The following PRKG1 variants were observed in gnomAD, a reference collection of about 807,000 sequenced individuals.
The protein encoded by PRKG1 is cGMP-dependent protein kinase 1.
Under a neutral mutation model 88.1 loss-of-function variants are expected in PRKG1, and 35 were observed. The ratio of observed to expected loss-of-function variants is 0.40; its 90% confidence interval spans 0.30 to 0.53. PRKG1 has a LOEUF of 0.53. Ranked by LOEUF, PRKG1 falls within the 20% of genes least tolerant of loss-of-function variation. The pLI, the probability that PRKG1 is intolerant of heterozygous loss-of-function variation, is 0.59. For missense variants in PRKG1, 540 were observed against 839.8 expected, an observed-to-expected ratio of 0.64 and a Z score of 4.41; for synonymous variants, 303 against 292.5, an observed-to-expected ratio of 1.04 and a Z score of -0.37.
At chr10:51,920,480 T>C (rs1378600287) in intron 5 of PRKG1, among the ~76,000 whole-genome samples, 1 of 152,188 alleles carries the variant, frequency 6.6e-6, no homozygotes, top group Non-Finnish European at 1.5e-5. Flanking sequence ...TTAACAATCT[T>C]ACAGTGTTCA....
chr10:52,022,928 T>A (rs932646891), intron 5 of PRKG1, among the ~76,000 whole-genome samples: 20 of 152,208 alleles, frequency 1.3e-4, no homozygotes, highest in African/African-American at 3.1e-4. Flanking sequence ...GGTGTTTTTT[T>A]AATTATACTT....
intron 2 of PRKG1, among the ~76,000 whole-genome samples, chr10:51,363,639 G>A (rs1842531146): frequency 6.6e-6 from 1 of 151,830 alleles, no homozygotes; most frequent in Non-Finnish European, 1.5e-5. Context: ...ATCATCATTA[G>A]AGACACGTAT....
chr10:51,876,575 C>A (rs183090803), intron 4 of PRKG1, among the ~76,000 whole-genome samples: 2 of 152,308 alleles, frequency 1.3e-5, no homozygotes, highest in Admixed American at 1.3e-4. Context: ...TGCTTACTTT[C>A]ATTTCATTCA....
chr10:51,684,444 G>A (rs1827602348), intron 3 of PRKG1, among the ~76,000 whole-genome samples: 1 of 152,008 alleles, frequency 6.6e-6, no homozygotes, highest in African/African-American at 2.4e-5. Flanking sequence ...CCATTACATT[G>A]GATGCTTTAA....
At chr10:52,102,323 G>T (rs1299900714) in intron 7 of PRKG1, among the ~76,000 whole-genome samples, 1 of 152,052 alleles carries the variant, frequency 6.6e-6, no homozygotes, top group Non-Finnish European at 1.5e-5. Flanking sequence ...GGAGTCACAT[G>T]ACGTTTAAGG....
chr10:51,353,518 C>A (rs1842297601), intron 2 of PRKG1, among the ~76,000 whole-genome samples: 1 of 152,116 alleles, frequency 6.6e-6, no homozygotes, highest in African/African-American at 2.4e-5. Context: ...CAAAAGAAGA[C>A]ATACAAAATG....
At chr10:51,027,201 C>T (rs1321179749) in intron 1 of PRKG1, among the ~76,000 whole-genome samples, 1 of 152,186 alleles carries the variant, frequency 6.6e-6, no homozygotes, top group Non-Finnish European at 1.5e-5. Context: ...CCACAACACT[C>T]TGCTGGGGAA....
intron 5 of PRKG1, among the ~76,000 whole-genome samples, chr10:51,987,443 ATCT>A (rs1032010228): frequency 6.7e-6 from 1 of 150,252 alleles, no homozygotes; most frequent in African/African-American, 2.4e-5. Flanking sequence ...GACATGTAAA[ATCT>A]TCTACTCATT....
At chr10:51,633,702 G>A (rs1000883768) in intron 3 of PRKG1, among the ~76,000 whole-genome samples, 3 of 152,094 alleles carry the variant, frequency 2.0e-5, no homozygotes, top group African/African-American at 7.2e-5. Flanking sequence ...GTTATCATTT[G>A]GGGAGTCAGA....
At chr10:51,342,266 C>T (rs540636592) in intron 2 of PRKG1, among the ~76,000 whole-genome samples, 14 of 152,146 alleles carry the variant, frequency 9.2e-5, no homozygotes, top group South Asian at 6.2e-4. Context: ...TGTACAACAG[C>T]GGGTAATTGG....
intron 3 of PRKG1, among the ~76,000 whole-genome samples, chr10:51,599,368 A>G (rs1206729358): frequency 6.6e-6 from 1 of 152,234 alleles, no homozygotes; most frequent in Non-Finnish European, 1.5e-5. Flanking sequence ...GCAATACTAT[A>G]GTGCCAAACA....
intron 4 of PRKG1, among the ~76,000 whole-genome samples, chr10:51,863,545 T>A (rs150554574): frequency 6.6e-6 from 1 of 152,202 alleles, no homozygotes; most frequent in East Asian, 1.9e-4. Context: ...CAAAAGCAGA[T>A]GCTAGAAATT....
intron 1 of PRKG1, among the ~76,000 whole-genome samples, chr10:51,114,437 C>CTGTGTGTGTGTGTG (rs58190244): frequency 0.097 from 14,596 of 150,196 alleles, 846 homozygotes; most frequent in African/African-American, 0.15. Flanking sequence ...ATGAGTGACT[C>CTGTGTGTGTGTGTG]TGTGTGTGTG....
chr10:51,126,804 C>T (rs1845435299), intron 1 of PRKG1, among the ~76,000 whole-genome samples: 2 of 151,954 alleles, frequency 1.3e-5, no homozygotes, highest in Admixed American at 1.3e-4. Flanking sequence ...TCAGAAATAA[C>T]ACTACACGTC....
chr10:52,190,961 A>G (rs1839347486), intron 9 of PRKG1, among the ~76,000 whole-genome samples: 1 of 152,170 alleles, frequency 6.6e-6, no homozygotes, highest in Non-Finnish European at 1.5e-5. Context: ...TTTCCTACAT[A>G]ATCACAATAT....
intron 3 of PRKG1, among the ~76,000 whole-genome samples, chr10:51,712,170 T>C (rs1841769046): frequency 6.6e-6 from 1 of 152,234 alleles, no homozygotes; most frequent in African/African-American, 2.4e-5. Flanking sequence ...AAGTTTGTGA[T>C]CTAACCATAG....
chr10:51,066,504 G>A (rs1843751566), intron 1 of PRKG1, among the ~76,000 whole-genome samples: 1 of 152,104 alleles, frequency 6.6e-6, no homozygotes, highest in South Asian at 2.1e-4. Flanking sequence ...TATGTAGATA[G>A]CAATAGGGGA....
At chr10:51,985,383 CTGTATA>C (rs1844127909) in intron 5 of PRKG1, among the ~76,000 whole-genome samples, 3 of 152,072 alleles carry the variant, frequency 2.0e-5, no homozygotes, top group Admixed American at 2.0e-4. Flanking sequence ...TCATAGTCTT[CTGTATA>C]TGTTATTAAT....
intron 5 of PRKG1, among the ~76,000 whole-genome samples, chr10:51,927,401 C>G (rs1842602217): frequency 6.6e-6 from 1 of 152,164 alleles, no homozygotes; most frequent in Non-Finnish European, 1.5e-5. Flanking sequence ...GTCCATTAAC[C>G]TAAAACCTCT....
Sources: gnomAD v4.1 joint callset for allele counts (sites outside exome capture counted in the v4.1 genomes callset) on GRCh38, gnomAD v4.1.1 for gene constraint, MANE v1.5 for transcripts, NCBI Gene and HGNC (gene_info 2026-07-23, HGNC 2026-07-21) for gene names.